The following COL8A1 variants were observed in gnomAD, a reference collection of about 807,000 sequenced individuals.
COL8A1 encodes collagen alpha-1(VIII) chain.
In COL8A1, 21 loss-of-function variants were observed where a neutral mutation model predicts 42.7. That is an observed-to-expected ratio of 0.49 (90% CI 0.35 to 0.71). The LOEUF is 0.71. COL8A1 is among the 30% of genes least tolerant of loss of function. COL8A1 has a pLI of 0.01. For synonymous variants in COL8A1, 367 were observed against 369.1 expected (o/e 0.99, Z 0.06); for missense variants, 788 against 962.4 (o/e 0.82, Z 2.40).
chr3:99,646,436 G>A (rs62281826), intron 1 of COL8A1, among the ~76,000 whole-genome samples: 48,885 of 151,976 alleles, frequency 0.32, 8,640 homozygotes, highest in African/African-American at 0.46. Context: ...GTCACTGATC[G>A]TCTCTGTGCC....
chr3:99,760,521 T>C (rs1368071700), intron 2 of COL8A1, among the ~76,000 whole-genome samples: 6 of 152,176 alleles, frequency 3.9e-5, no homozygotes, highest in African/African-American at 1.4e-4. Flanking sequence ...TAGATAGGAA[T>C]TTTTTTATTC....
At chr3:99,701,824 A>G (rs1939549048) in intron 1 of COL8A1, among the ~76,000 whole-genome samples, 1 of 152,232 alleles carries the variant, frequency 6.6e-6, no homozygotes, top group African/African-American at 2.4e-5. Flanking sequence ...AGGACTTCTG[A>G]TTCACAATCC....
chr3:99,645,787 G>T (rs1937630630), intron 1 of COL8A1, among the ~76,000 whole-genome samples: 1 of 151,946 alleles, frequency 6.6e-6, no homozygotes, highest in Admixed American at 6.6e-5. Flanking sequence ...CGGGCTTGTG[G>T]AAGTTTATTT....
At chr3:99,681,605 T>C (rs1029253179) in intron 1 of COL8A1, among the ~76,000 whole-genome samples, 1 of 152,228 alleles carries the variant, frequency 6.6e-6, no homozygotes, top group African/African-American at 2.4e-5. Flanking sequence ...CCAGCTGCTC[T>C]CTATTTCCTC....
intron 1 of COL8A1, among the ~76,000 whole-genome samples, chr3:99,661,758 G>A (rs906721984): frequency 5.3e-5 from 8 of 152,106 alleles, no homozygotes; most frequent in South Asian, 2.1e-4. Context: ...ACAAAATGTG[G>A]CATATATATT....
intron 1 of COL8A1, among the ~76,000 whole-genome samples, chr3:99,641,451 C>T (rs1393450490): frequency 4.6e-5 from 7 of 151,982 alleles, no homozygotes; most frequent in Admixed American, 3.3e-4. Context: ...CAGGTTTGCC[C>T]CATATTTAAA....
chr3:99,740,402 A>C (rs151336508), intron 1 of COL8A1, among the ~76,000 whole-genome samples: 2 of 152,342 alleles, frequency 1.3e-5, no homozygotes, highest in South Asian at 2.1e-4. Context: ...TATAAAGGCA[A>C]GAGGTTTAAT....
At chr3:99,737,913 C>A (rs1420201141) in intron 1 of COL8A1, among the ~76,000 whole-genome samples, 2 of 151,140 alleles carry the variant, frequency 1.3e-5, no homozygotes, top group Admixed American at 6.6e-5. Context: ...TTCTTGGAGG[C>A]TTTGCTCATT....
intron 2 of COL8A1, 106 bp from the exon 3 acceptor site, chr3:99,790,574 T>A: frequency 1.2e-6 from 1 of 811,162 alleles, no homozygotes; most frequent in Non-Finnish European, 1.9e-6. Context: ...GAAGTTCTGA[T>A]GTTAAAGACT....
intron 2 of COL8A1, among the ~76,000 whole-genome samples, chr3:99,751,988 A>C (rs1941159508): frequency 6.6e-6 from 1 of 152,180 alleles, no homozygotes; most frequent in East Asian, 1.9e-4. Flanking sequence ...TCTTTGAGTT[A>C]AAAAATCCAA....
At chr3:99,746,747 T>C (rs1007754413) in intron 2 of COL8A1, among the ~76,000 whole-genome samples, 10 of 152,200 alleles carry the variant, frequency 6.6e-5, no homozygotes, top group Non-Finnish European at 1.3e-4. Flanking sequence ...TCATCAGCAA[T>C]GATTCAGCAG....
At chr3:99,752,822 T>G (rs1001698860) in intron 2 of COL8A1, among the ~76,000 whole-genome samples, 1 of 152,048 alleles carries the variant, frequency 6.6e-6, no homozygotes, top group Non-Finnish European at 1.5e-5. Context: ...ATAAATGACT[T>G]TTTAATTTCA....
intron 1 of COL8A1, among the ~76,000 whole-genome samples, chr3:99,662,521 T>C (rs896388092): frequency 6.6e-6 from 1 of 152,232 alleles, no homozygotes; most frequent in African/African-American, 2.4e-5. Flanking sequence ...TACATATGCA[T>C]GTATGAACTT....
chr3:99,790,567 GT>G (rs1317888524), intron 2 of COL8A1, 112 bp from the exon 3 acceptor site: 1 of 776,170 alleles, frequency 1.3e-6, no homozygotes, highest in Admixed American at 2.9e-5. Context: ...CTATCATGAA[GT>G]TCTGATGTTA....
chr3:99,662,726 T>C (rs773622221), intron 1 of COL8A1, among the ~76,000 whole-genome samples: 1 of 152,136 alleles, frequency 6.6e-6, no homozygotes, highest in Non-Finnish European at 1.5e-5. Context: ...AGAGAAAATA[T>C]CTGTTCCATG....
chr3:99,672,518 T>C (rs116735367), intron 1 of COL8A1, among the ~76,000 whole-genome samples: 6,127 of 151,798 alleles, frequency 0.04, 171 homozygotes, highest in Non-Finnish European at 0.064. Flanking sequence ...TTTTAATAAA[T>C]ATATTTTATT....
At chr3:99,640,300 T>C (rs1937480915) in intron 1 of COL8A1, among the ~76,000 whole-genome samples, 1 of 152,202 alleles carries the variant, frequency 6.6e-6, no homozygotes. Context: ...TTATATCTGA[T>C]GCACATAGGT....
chr3:99,717,612 C>G (rs1002409913), intron 1 of COL8A1, among the ~76,000 whole-genome samples: 4 of 151,898 alleles, frequency 2.6e-5, no homozygotes, highest in African/African-American at 9.7e-5. Context: ...AAAACTGAGC[C>G]CTCACCGAAT....
At chr3:99,721,438 AGG>A (rs1371078521) in intron 1 of COL8A1, among the ~76,000 whole-genome samples, 3 of 143,264 alleles carry the variant, frequency 2.1e-5, no homozygotes, top group Non-Finnish European at 4.6e-5. Flanking sequence ...GGAAAGGGGA[AGG>A]GGAAGGGGAA....
Sources: allele counts gnomAD v4.1 joint callset (sites outside exome capture counted in the v4.1 genomes callset), GRCh38; gene constraint gnomAD v4.1.1; transcripts MANE v1.5; gene names NCBI Gene and HGNC (gene_info 2026-07-23, HGNC 2026-07-21).